The following DCLK1 variants were observed in gnomAD, a reference collection of about 807,000 sequenced individuals.
DCLK1 encodes the protein serine/threonine-protein kinase DCLK1.
A neutral mutation model predicts 86.2 loss-of-function variants in DCLK1; 16 were observed. The ratio of observed to expected loss-of-function variants is 0.19; its 90% CI spans 0.13 to 0.28. The LOEUF (loss-of-function observed/expected upper bound fraction) is 0.28, where lower values mean the gene tolerates loss of function less well. Among genes scored for constraint, DCLK1 ranks in the 10% least tolerant of loss-of-function variants. The probability of loss-of-function intolerance (pLI) is 1.00; values close to 1 mark genes in which losing one functional copy is unlikely to be tolerated. For missense variants in DCLK1, 590 were observed against 940.2 expected, an observed-to-expected ratio of 0.63 and a Z score of 4.87; for synonymous variants, 369 against 370.5, an observed-to-expected ratio of 1.00 and a Z score of 0.05.
intron 5 of DCLK1, 145 bp from the exon 6 acceptor site, chr13:35,854,738 A>T (rs1870924563): frequency 1.9e-6 from 1 of 539,674 alleles, no homozygotes; most frequent in Admixed American, 4.2e-5. Context: ...ACTGAGGAAC[A>T]GCTTTGGGGA....
At position 35,918,890 on chromosome 13, in the gene DCLK1, G is replaced by GTTTTTTTTTTTTT. The variant is rs532112697; in HGVS notation, c.823+28467_823+28468insAAAAAAAAAAAAA. ...CCAAAAAGAAATCTTCCTTCTGAGT[G>GTTTTTTTTTTTTT]TGTTTTTTTTTTTTTTTTTGGAAAC... On this transcript the variant is annotated intron_variant, in intron 4 of 16. Transcript: ENST00000360631. Among the ~76,000 whole-genome samples, 13 of 14,208 alleles carry GTTTTTTTTTTTTT rather than the reference G, an allele frequency of 9.1e-4. No individual in the cohort carries two copies. In the South Asian group the frequency reaches 0.014, roughly 15 times the overall value. 9.3% of individuals were successfully genotyped at this position (14,208 alleles called of 152,430 possible). A position where few individuals can be genotyped will look rare whatever the true frequency, so the allele number is the denominator to read the frequency against.
intron 3 of DCLK1, among the ~76,000 whole-genome samples, chr13:36,049,397 C>T (rs1178931887): frequency 6.6e-6 from 1 of 152,142 alleles, no homozygotes; most frequent in Non-Finnish European, 1.5e-5. Flanking sequence ...ACATTTAATG[C>T]ACTGTGGCAA....
intron 3 of DCLK1, among the ~76,000 whole-genome samples, chr13:35,981,150 A>G (rs1196930900): frequency 6.6e-6 from 1 of 152,046 alleles, no homozygotes; most frequent in Non-Finnish European, 1.5e-5. Context: ...TAATCAAAAG[A>G]GTGCAGCCCA....
chr13:36,106,965 A>G (rs875110), intron 3 of DCLK1, among the ~76,000 whole-genome samples: 54,260 of 152,100 alleles, frequency 0.36, 10,668 homozygotes, highest in East Asian at 0.54. Flanking sequence ...GAAGAAAATA[A>G]AGACCATTTT....
At position 35,805,756 on chromosome 13, in the gene DCLK1, C is replaced by G; in HGVS notation, c.1887G>C (p.Leu629Phe). ...CAGAAAATCGCTGATCTACATCGAC[C>G]AACAGCATCATGGTAATGAGCTCCT... is the stretch of plus-strand genomic sequence containing the variant. ...SAKELITMML[L>F]VDVDQRFSAV... Residue 629 changes from leucine (L) to phenylalanine (F), a missense_variant, in exon 15 of 17, where the codon TTG (leucine) becomes TTC (phenylalanine). Leu to Phe is a conservative substitution (Grantham distance 22). Around this residue, in one of 6 missense-constraint regions of DCLK1, gnomAD observed 146 missense variants for 190.2 expected, o/e 0.77. Transcript: ENST00000360631. 1 of 1,613,690 alleles carries G rather than the reference C, an allele frequency of 6.2e-7. No individual in the cohort carries two copies. The highest frequency in any genetic ancestry group is 8.5e-7 in the Non-Finnish European group (1 of 1,179,858).
intron 2 of DCLK1, among the ~76,000 whole-genome samples, chr13:36,113,434 C>T (rs1319417399): frequency 6.6e-6 from 1 of 152,156 alleles, no homozygotes; most frequent in African/African-American, 2.4e-5. Flanking sequence ...TTTCTATTCA[C>T]CTGGCAGATC....
intron 4 of DCLK1, among the ~76,000 whole-genome samples, chr13:35,898,625 A>G (rs1005765633): frequency 2.0e-5 from 3 of 152,252 alleles, no homozygotes; most frequent in Non-Finnish European, 4.4e-5. Flanking sequence ...TCACCCAGGC[A>G]TGAATGAGTA....
chr13:36,029,687 A>T (rs1490209281), intron 3 of DCLK1, among the ~76,000 whole-genome samples: 2 of 152,208 alleles, frequency 1.3e-5, no homozygotes, highest in Non-Finnish European at 2.9e-5. Flanking sequence ...TAGGAGGCCC[A>T]GTTCTATTTG....
chr13:36,045,330 GTGTATATATATATATATATATA>G (rs1369574671), intron 3 of DCLK1, among the ~76,000 whole-genome samples: 11 of 56,600 alleles, frequency 1.9e-4, no homozygotes, highest in South Asian at 1.5e-3. Context: ...GTGTGTGTGT[GTGTATATATATATATATATATA>G]TATATATATA....
chr13:36,078,810 G>A (rs1396685218), intron 3 of DCLK1, among the ~76,000 whole-genome samples: 5 of 152,088 alleles, frequency 3.3e-5, no homozygotes, highest in Admixed American at 3.3e-4. Context: ...CCAATTTTAC[G>A]TAATGTGAAT....
At chr13:36,059,550 A>G (rs1883460940) in intron 3 of DCLK1, among the ~76,000 whole-genome samples, 1 of 152,186 alleles carries the variant, frequency 6.6e-6, no homozygotes, top group Non-Finnish European at 1.5e-5. Context: ...GGAAAGAAAT[A>G]CAAGCACAAA....
Position 35,839,097 on chromosome 13 carries a change from C to G in DCLK1, c.1115G>C (p.Gly372Ala). The G allele has an allele frequency of 6.3e-7, 1 of 1,598,212 alleles. No homozygotes were observed. Among genetic ancestry groups the G allele is most frequent in the Non-Finnish European group, 8.5e-7 (1 of 1,172,534 alleles). The change falls in exon 7 of 17, where the codon GGA (glycine) becomes GCA (alanine). Residue 372 changes from glycine to alanine, a missense_variant. Coordinates refer to ENST00000360631, the MANE Select transcript of DCLK1 (RefSeq NM_001330071.2). ...CCAAGTCCCAAGCTCATCACCTTCT[C>G]CAGGGCCATCGTTCTCATCCATCGA... ...CSSMDENDGPGEEVSEEGFQI... is the reference protein window; with the variant it reads ...CSSMDENDGPAEEVSEEGFQI...
At chr13:36,093,737 T>A (rs568595570) in intron 3 of DCLK1, among the ~76,000 whole-genome samples, 1 of 152,140 alleles carries the variant, frequency 6.6e-6, no homozygotes, top group Non-Finnish European at 1.5e-5. Context: ...AATTTTAGAA[T>A]AATTTTGACA....
chr13:35,960,898 G>A (rs377590417), intron 3 of DCLK1, among the ~76,000 whole-genome samples: 2 of 152,068 alleles, frequency 1.3e-5, no homozygotes, highest in East Asian at 3.9e-4. Flanking sequence ...CTTCTCTTAC[G>A]ATGTCATGAT....
chr13:36,021,804 A>G (rs1881795262), intron 3 of DCLK1, among the ~76,000 whole-genome samples: 1 of 152,140 alleles, frequency 6.6e-6, no homozygotes, highest in Non-Finnish European at 1.5e-5. Flanking sequence ...TAATAGTTAG[A>G]GACCTCAATA....
intron 15 of DCLK1, among the ~76,000 whole-genome samples, chr13:35,796,103 C>G (rs2086805321): frequency 6.6e-6 from 1 of 152,106 alleles, no homozygotes; most frequent in Non-Finnish European, 1.5e-5. Context: ...ATATTAGTAT[C>G]ATGTCTTGGC....
At chr13:35,978,549 C>A (rs1379795885) in intron 3 of DCLK1, among the ~76,000 whole-genome samples, 1 of 152,000 alleles carries the variant, frequency 6.6e-6, no homozygotes, top group African/African-American at 2.4e-5. Flanking sequence ...ATGTAGTACT[C>A]TTATAATATT....
intron 4 of DCLK1, among the ~76,000 whole-genome samples, chr13:35,900,352 T>A (rs543258846): frequency 8.9e-4 from 135 of 152,072 alleles, no homozygotes; most frequent in African/African-American, 3.0e-3. Flanking sequence ...GCAATTCTTG[T>A]GCCTCAGCCT....
chr13:35,973,938 T>C (rs560528082), intron 3 of DCLK1, among the ~76,000 whole-genome samples: 125 of 152,218 alleles, frequency 8.2e-4, no homozygotes, highest in Non-Finnish European at 1.5e-3. Context: ...ATGATGTCAG[T>C]GAGGTTTGGG....
Sources: allele counts gnomAD v4.1 joint callset (sites outside exome capture counted in the v4.1 genomes callset), GRCh38; gene constraint gnomAD v4.1.1; regional missense constraint gnomAD v4.1.1; transcripts MANE v1.5; gene names NCBI Gene and HGNC (gene_info 2026-07-23, HGNC 2026-07-21).